PDE8B: variants seen among roughly 807,000 people sequenced by gnomAD.
PDE8B encodes high affinity cAMP-specific and IBMX-insensitive 3',5'-cyclic phosphodiesterase 8B.
A neutral mutation model predicts 101.3 loss-of-function variants in PDE8B; 26 were observed. That is an observed-to-expected ratio of 0.26 (90% CI 0.19 to 0.36). The LOEUF is 0.36. Ranked by LOEUF, PDE8B falls within the 10% of genes least tolerant of loss-of-function variation. The pLI is 1.00. For missense variants in PDE8B, 810 were observed against 1,163.1 expected, an observed-to-expected ratio of 0.70 and a Z score of 4.42; for synonymous variants, 424 against 429.3, an observed-to-expected ratio of 0.99 and a Z score of 0.15.
chr5:77,419,643 C>T, intron 18 of PDE8B, 124 bp from the exon 19 acceptor site: 1 of 1,123,262 alleles, frequency 8.9e-7, no homozygotes, highest in Middle Eastern at 2.4e-4. Flanking sequence ...GTGATCTGCA[C>T]ACATTTCTTA....
chr5:77,201,086 C>A, the PDE8B span, among the ~76,000 whole-genome samples: 1 of 152,220 alleles, frequency 6.6e-6, no homozygotes, highest in African/African-American at 2.4e-5. Context: ...AGAGCTGCAG[C>A]CTCGAGGCAC....
the PDE8B span, chr5:77,141,186 C>T: frequency 2.0e-5 from 3 of 152,034 alleles, no homozygotes; most frequent in African/African-American, 2.4e-5. Flanking sequence ...TTGTTAGAAA[C>T]ATAATAGCAA....
the PDE8B span, among the ~76,000 whole-genome samples, chr5:77,121,213 C>T: frequency 2.0e-5 from 3 of 152,174 alleles, no homozygotes; most frequent in Non-Finnish European, 4.4e-5. Flanking sequence ...AGGCTGCATT[C>T]ATCGGAAAAC....
intron 1 of PDE8B, among the ~76,000 whole-genome samples, chr5:77,242,010 T>C (rs1755866843): frequency 2.0e-5 from 3 of 152,244 alleles, no homozygotes. Flanking sequence ...TGTATGCCGA[T>C]GAGCCTCCTG....
chr5:77,425,156 T>C (rs90683), intron 20 of PDE8B, among the ~76,000 whole-genome samples: 40,608 of 152,176 alleles, frequency 0.27, 6,352 homozygotes, highest in Non-Finnish European at 0.35. Flanking sequence ...AGAATTTGTG[T>C]TTGTATGACA....
At chr5:77,096,323 C>G in the PDE8B span, among the ~76,000 whole-genome samples, 1 of 152,054 alleles carries the variant, frequency 6.6e-6, no homozygotes, top group Non-Finnish European at 1.5e-5. Flanking sequence ...TTTGAAGTAC[C>G]CTTTGTACTT....
At chr5:77,386,352 G>C (rs1788614719) in intron 10 of PDE8B, among the ~76,000 whole-genome samples, 1 of 152,132 alleles carries the variant, frequency 6.6e-6, no homozygotes, top group Non-Finnish European at 1.5e-5. Context: ...CTGTCTTGTT[G>C]ATCTGTGTAA....
chr5:77,088,380 T>C, the PDE8B span: 1 of 152,156 alleles, frequency 6.6e-6, no homozygotes, highest in Non-Finnish European at 1.5e-5. Context: ...CTCTGCCTTT[T>C]TGCAAGCGCA....
intron 7 of PDE8B, among the ~76,000 whole-genome samples, chr5:77,347,945 C>T (rs1780439704): frequency 6.6e-6 from 1 of 152,096 alleles, no homozygotes; most frequent in South Asian, 2.1e-4. Context: ...CCCTTCCCTG[C>T]CTAGGGAGGG....
At chr5:77,196,898 C>A in the PDE8B span, among the ~76,000 whole-genome samples, 1 of 152,060 alleles carries the variant, frequency 6.6e-6, no homozygotes, top group Non-Finnish European at 1.5e-5. Context: ...TAAAATATTT[C>A]TTCTTGAGTA....
At position 77,311,342 on chromosome 5, in the gene PDE8B, T is replaced by C. The variant is rs535462977; in HGVS notation, c.340-652T>C. ...GGCCAGTGAACACTGAAGAGCCCTA[T>C]GCTCACTCCTGGAGTTGTGGGGCAG... On this transcript the variant is annotated intron_variant, in intron 1 of 21. Coordinates refer to ENST00000264917, the MANE Select transcript of PDE8B (RefSeq NM_003719.5). Among the ~76,000 whole-genome samples the C allele has an allele frequency of 8.3e-4, 127 of 152,242 alleles. 2 individuals carry two copies. The highest frequency in any genetic ancestry group is 2.6e-4 in the Non-Finnish European group (18 of 68,040).
At chr5:77,121,024 C>A in the PDE8B span, among the ~76,000 whole-genome samples, 1 of 152,174 alleles carries the variant, frequency 6.6e-6, no homozygotes, top group African/African-American at 2.4e-5. Context: ...GGAAAGTGCT[C>A]CAGAAGTATT....
rs1269703661 is a variant in PDE8B at position 77,428,201 on chromosome 5, C to T, written c.*1647C>T. ...ACTAAATTCCTACAGCCATTTTTCA[C>T]TCCCAACAGCTGTTTTTATTTTACC... On this transcript the variant is annotated 3_prime_UTR_variant, in exon 22 of 22. Transcript: ENST00000264917. The T allele has an allele frequency of 6.6e-6, 1 of 152,208 alleles. No individual in the cohort carries two copies. Among genetic ancestry groups the T allele is most frequent in the East Asian group, 1.9e-4 (1 of 5,208 alleles). 9.4% of individuals were successfully genotyped at this position (152,208 alleles called of 1,614,324 possible).
the PDE8B span, among the ~76,000 whole-genome samples, chr5:77,158,565 G>T: frequency 6.6e-6 from 1 of 152,226 alleles, no homozygotes; most frequent in Non-Finnish European, 1.5e-5. Flanking sequence ...ACTGGAGAAG[G>T]ACATCTGGTT....
In PDE8B at chr5:77,211,368, G is replaced by T. The variant is rs1175931542; in HGVS notation, c.339+104G>T. On this transcript the variant is annotated intron_variant, in intron 1 of 21. Coordinates refer to ENST00000264917, the MANE Select transcript of PDE8B (RefSeq NM_003719.5). The surrounding 1 kb of genome is among the most constrained non-coding windows in gnomAD (Gnocchi z 4.1). ...GGAGTTGGGTGACCGTGAGGCGGTT[G>T]GTTTGGAGAGGTTGTCACTAAGGAG... 1 of 1,012,526 alleles carries T rather than the reference G, an allele frequency of 9.9e-7. No homozygotes were observed. 62.7% of individuals were successfully genotyped at this position (1,012,526 alleles called of 1,614,324 possible).
chr5:77,400,801 T>G (rs1792104995), intron 11 of PDE8B, among the ~76,000 whole-genome samples: 1 of 152,096 alleles, frequency 6.6e-6, no homozygotes, highest in Non-Finnish European at 1.5e-5. Flanking sequence ...CTTGGCTTCC[T>G]CCATAAAAAG....
At chr5:77,169,504 A>G in the PDE8B span, among the ~76,000 whole-genome samples, 1 of 152,208 alleles carries the variant, frequency 6.6e-6, no homozygotes, top group East Asian at 1.9e-4. Context: ...TTTGAGAACT[A>G]CTGGCCTAAA....
chr5:77,232,100 C>T (rs191228392), intron 1 of PDE8B, among the ~76,000 whole-genome samples: 11 of 152,350 alleles, frequency 7.2e-5, no homozygotes, highest in Admixed American at 5.9e-4. Context: ...ACAGTGATCA[C>T]ATTGTATATT....
intron 10 of PDE8B, among the ~76,000 whole-genome samples, chr5:77,393,770 C>A (rs1044564676): frequency 2.0e-5 from 3 of 152,154 alleles, no homozygotes; most frequent in African/African-American, 7.2e-5. Flanking sequence ...AGGTACTATA[C>A]CTGTAGAAAT....
Sources: allele counts gnomAD v4.1 joint callset (sites outside exome capture counted in the v4.1 genomes callset), GRCh38; gene constraint gnomAD v4.1.1; non-coding constraint Gnocchi (gnomAD v3.1); transcripts MANE v1.5; gene names NCBI Gene and HGNC (gene_info 2026-07-23, HGNC 2026-07-21).